Variants in KLHL3 observed in about 807,000 individuals in gnomAD.
The protein encoded by KLHL3 is kelch-like protein 3.
In KLHL3, 19 loss-of-function variants were observed where a neutral mutation model predicts 70.5. That is an observed-to-expected ratio of 0.27 (90% CI 0.19 to 0.40). The LOEUF is 0.40. KLHL3 is among the 10% of genes least tolerant of loss of function. The pLI, the probability that KLHL3 is intolerant of heterozygous loss-of-function variation, is 1.00. For synonymous variants in KLHL3, 258 were observed against 290.3 expected, an observed-to-expected ratio of 0.89 and a Z score of 1.13; for missense variants, 512 against 771.1, an observed-to-expected ratio of 0.66 and a Z score of 3.98.
chr5:137,733,570 T>A (rs1415368133), intron 1 of KLHL3, among the ~76,000 whole-genome samples: 1 of 152,190 alleles, frequency 6.6e-6, no homozygotes, highest in African/African-American at 2.4e-5. Flanking sequence ...TGTCCAACTA[T>A]GAGATACAAA....
At chr5:137,699,806 A>G (rs1317750469) in intron 3 of KLHL3, among the ~76,000 whole-genome samples, 1 of 152,042 alleles carries the variant, frequency 6.6e-6, no homozygotes, top group Non-Finnish European at 1.5e-5. Context: ...GAGCCTGGGC[A>G]GTTGTTTTCT....
At chr5:137,629,545 C>T (rs1750575999) in intron 12 of KLHL3, 1 of 152,246 alleles carries the variant, frequency 6.6e-6, no homozygotes, top group Admixed American at 6.5e-5. Flanking sequence ...ACCCAAGAAC[C>T]AGACTTGTAG....
intron 5 of KLHL3, among the ~76,000 whole-genome samples, chr5:137,689,481 T>C (rs1752264023): frequency 6.6e-6 from 1 of 152,232 alleles, no homozygotes; most frequent in Admixed American, 6.5e-5. Flanking sequence ...CACCATGGAA[T>C]ACTACGCAGC....
intron 5 of KLHL3, among the ~76,000 whole-genome samples, chr5:137,679,350 C>T (rs1751967236): frequency 6.6e-6 from 1 of 152,122 alleles, no homozygotes; most frequent in Non-Finnish European, 1.5e-5. Context: ...GCTCTCTGGA[C>T]CAGCCACAGC....
At chr5:137,628,645 T>C in intron 12 of KLHL3, 1 of 467,224 alleles carries the variant, frequency 2.1e-6, no homozygotes, top group Non-Finnish European at 3.7e-6. Flanking sequence ...CTCAAAACTT[T>C]GAAATATAAT....
Position 137,640,627 on chromosome 5 carries a change from G to T in KLHL3, c.904-650C>A, listed in dbSNP as rs904810801. Reference sequence around the variant, plus strand: ...ATATCATCATCCACATTGACAGATAGCAAAGTAAAGCTCAGAGAACACATG... The same window carrying T: ...ATATCATCATCCACATTGACAGATATCAAAGTAAAGCTCAGAGAACACATG... On this transcript the variant is annotated intron_variant, in intron 8 of 14. Coordinates refer to ENST00000309755, the MANE Select transcript of KLHL3 (RefSeq NM_017415.3). Among the ~76,000 whole-genome samples, 3 of 152,284 alleles carry T rather than the reference G, an allele frequency of 2.0e-5. No homozygotes were observed. The East Asian group carries it at 5.8e-4, about 29-fold the overall frequency.
At chr5:137,636,195 A>T (rs1229674595) in intron 11 of KLHL3, among the ~76,000 whole-genome samples, 1 of 152,220 alleles carries the variant, frequency 6.6e-6, no homozygotes, top group African/African-American at 2.4e-5. Context: ...TACACCTTTA[A>T]ATGAAAACTT....
At chr5:137,665,867 GGGAAGGGAAAGGGAAA>G (rs533914224) in intron 6 of KLHL3, among the ~76,000 whole-genome samples, 6 of 152,130 alleles carry the variant, frequency 3.9e-5, no homozygotes, top group Admixed American at 6.6e-5. Context: ...AAGGGGAAAG[GGGAAGGGAAAGGGAAA>G]GGAAGGGAAG....
intron 5 of KLHL3, among the ~76,000 whole-genome samples, chr5:137,682,482 A>G (rs904440465): frequency 6.6e-6 from 1 of 151,198 alleles, no homozygotes; most frequent in Non-Finnish European, 1.5e-5. Context: ...TGGGGAAAAA[A>G]GAGAATAATC....
At chr5:137,726,196 C>A (rs1209125205) in intron 1 of KLHL3, among the ~76,000 whole-genome samples, 1 of 152,116 alleles carries the variant, frequency 6.6e-6, no homozygotes, top group African/African-American at 2.4e-5. Flanking sequence ...CAGCCCTCTG[C>A]CTCCATTTGT....
At chr5:137,630,483 C>A (rs779027724) in intron 12 of KLHL3, among the ~76,000 whole-genome samples, 2 of 152,152 alleles carry the variant, frequency 1.3e-5, no homozygotes, top group Non-Finnish European at 2.9e-5. Context: ...CTGGCTGCCT[C>A]CCCAGGCTTT....
chr5:137,634,025 G>T lies in KLHL3; in HGVS notation c.1450+12C>A, dbSNP rs937303656. 7 of 1,613,992 alleles carry T rather than the reference G, an allele frequency of 4.3e-6. No individual in the cohort carries two copies. The highest frequency in any genetic ancestry group is 5.1e-6 in the Non-Finnish European group (6 of 1,180,024). ...AATCAGACACAGCCAGCACCCCGAG[G>T]TTCTCCCATACCTGCGCCACTGCGG... is the stretch of plus-strand genomic sequence containing the variant. On this transcript the variant is annotated intron_variant, in intron 12 of 14. Transcript: ENST00000309755.
chr5:137,646,559 T>C lies in KLHL3; in HGVS notation c.904-6582A>G, dbSNP rs544430181. 8.5e-5 allele frequency among the ~76,000 whole-genome samples: 13 copies of C among 152,280 alleles called. No homozygotes were observed. In the South Asian group the frequency reaches 2.3e-3, roughly 27 times the overall value. ...ATACGAGTATTTCCCACAGTCTACA[T>C]GTATCACATCTCTGAAATCACAAAC... On this transcript the variant is annotated intron_variant, in intron 8 of 14. Transcript: ENST00000309755.
At chr5:137,685,863 T>C (rs557423903) in intron 5 of KLHL3, among the ~76,000 whole-genome samples, 1 of 152,288 alleles carries the variant, frequency 6.6e-6, no homozygotes, top group South Asian at 2.1e-4. Context: ...ACATATACAA[T>C]GAAAAAGATT....
intron 2 of KLHL3, among the ~76,000 whole-genome samples, chr5:137,713,295 T>C (rs916227609): frequency 2.6e-5 from 4 of 151,826 alleles, no homozygotes; most frequent in Non-Finnish European, 5.9e-5. Context: ...TGAAACCCTA[T>C]CTCAAAAAAT....
intron 6 of KLHL3, 45 bp from the exon 7 acceptor site, chr5:137,662,076 G>C: frequency 1.4e-6 from 1 of 738,350 alleles, no homozygotes; most frequent in Non-Finnish European, 2.1e-6. Flanking sequence ...AGAGACAAAA[G>C]CTTTCAAACA....
intron 6 of KLHL3, 21 bp from the exon 7 acceptor site, chr5:137,662,052 G>T: frequency 8.1e-7 from 1 of 1,230,014 alleles, no homozygotes; most frequent in Non-Finnish European, 1.2e-6. Context: ...AAGCAACATG[G>T]GCAACTTCAG....
At chr5:137,644,300 C>T (rs1182505000) in intron 8 of KLHL3, among the ~76,000 whole-genome samples, 1 of 152,170 alleles carries the variant, frequency 6.6e-6, no homozygotes, top group Non-Finnish European at 1.5e-5. Flanking sequence ...GAACTCCTGA[C>T]CTAAGGTGAT....
chr5:137,685,850 C>T (rs1253663050), intron 5 of KLHL3, among the ~76,000 whole-genome samples: 2 of 152,170 alleles, frequency 1.3e-5, no homozygotes, highest in African/African-American at 4.8e-5. Context: ...AGCTGGAAAG[C>T]ATACATATAC....
Sources: allele counts gnomAD v4.1 joint callset (sites outside exome capture counted in the v4.1 genomes callset), GRCh38; gene constraint gnomAD v4.1.1; transcripts MANE v1.5; gene names NCBI Gene and HGNC (gene_info 2026-07-23, HGNC 2026-07-21).